The following MBD5 variants were observed in gnomAD, a reference collection of about 807,000 sequenced individuals.
The protein encoded by MBD5 is methyl-CpG-binding domain protein 5.
Under a neutral mutation model 117.3 loss-of-function variants are expected in MBD5, and 13 were observed. That is an observed-to-expected ratio of 0.11 (90% confidence interval 0.07 to 0.18). The LOEUF (loss-of-function observed/expected upper bound fraction) is 0.18, where lower values mean the gene tolerates loss of function less well. Ranked by LOEUF, MBD5 falls within the 10% of genes least tolerant of loss-of-function variation. The pLI, the probability that MBD5 is intolerant of heterozygous loss-of-function variation, is 1.00. For missense variants in MBD5, 1,879 were observed against 2,093.8 expected, an observed-to-expected ratio of 0.90 and a Z score of 2.00; for synonymous variants, 727 against 766.4, an observed-to-expected ratio of 0.95 and a Z score of 0.85.
At chr2:148,206,332 A>C (rs1279333166) in intron 2 of MBD5, among the ~76,000 whole-genome samples, 1 of 152,172 alleles carries the variant, frequency 6.6e-6, no homozygotes, top group African/African-American at 2.4e-5. Context: ...GGATTTTAAA[A>C]ACATGTTTTG....
At chr2:148,152,469 G>C (rs528859010) in intron 1 of MBD5, among the ~76,000 whole-genome samples, 61 of 152,118 alleles carry the variant, frequency 4.0e-4, no homozygotes, top group African/African-American at 1.4e-3. Flanking sequence ...TTGCTGCAGA[G>C]CTGAGTTCAA....
chr2:148,122,506 GT>G (rs1696793825), intron 1 of MBD5, among the ~76,000 whole-genome samples: 1 of 152,140 alleles, frequency 6.6e-6, no homozygotes. Context: ...TACATGATAT[GT>G]TTTAGAATGC....
At chr2:148,061,539 A>C (rs909944168) in intron 1 of MBD5, among the ~76,000 whole-genome samples, 63 of 152,156 alleles carry the variant, frequency 4.1e-4, no homozygotes, top group Admixed American at 2.0e-4. Flanking sequence ...TGTCAAATGT[A>C]ATATTCCTTT....
intron 4 of MBD5, among the ~76,000 whole-genome samples, chr2:148,358,062 A>G (rs16828586): frequency 0.028 from 4,210 of 152,106 alleles, 180 homozygotes; most frequent in African/African-American, 0.095. Flanking sequence ...TTGAAATCTC[A>G]CATCTGTTAA....
chr2:148,210,183 T>G (rs1699384284), intron 2 of MBD5, among the ~76,000 whole-genome samples: 2 of 152,176 alleles, frequency 1.3e-5, no homozygotes, highest in South Asian at 2.1e-4. Flanking sequence ...AAACTACTTA[T>G]TTAGAGCTAC....
At chr2:148,142,994 A>G (rs1191483760) in intron 1 of MBD5, among the ~76,000 whole-genome samples, 2 of 152,228 alleles carry the variant, frequency 1.3e-5, no homozygotes, top group Non-Finnish European at 2.9e-5. Flanking sequence ...TTAACCCAAA[A>G]TTATGACATT....
Position 148,450,271 on chromosome 2 carries a change from A to G in MBD5, c.-556-7932A>G, listed in dbSNP as rs141652674. ...AACTTGTGCAAGGTCACAAGCTAAT[A>G]AAGGGTGGAGCCAGGGTTCAAACCC... On this transcript the variant is annotated intron_variant, in intron 4 of 13. Transcript: ENST00000642680. Among the ~76,000 whole-genome samples, 9 of 152,306 alleles carry G rather than the reference A, an allele frequency of 5.9e-5. No homozygotes were observed. In the East Asian group the frequency reaches 1.7e-3, roughly 29 times the overall value.
intron 2 of MBD5, among the ~76,000 whole-genome samples, chr2:148,204,192 G>T (rs1699217228): frequency 6.6e-6 from 1 of 152,094 alleles, no homozygotes; most frequent in Non-Finnish European, 1.5e-5. Flanking sequence ...TGAATTATGA[G>T]CTGGCCAAAC....
intron 1 of MBD5, among the ~76,000 whole-genome samples, chr2:148,110,331 CTG>C (rs1696477614): frequency 6.6e-6 from 1 of 152,092 alleles, no homozygotes; most frequent in Non-Finnish European, 1.5e-5. Context: ...ATTTCTAAAA[CTG>C]TTTTGTGATT....
chr2:148,198,764 C>T (rs1219430958), intron 2 of MBD5, among the ~76,000 whole-genome samples: 2 of 151,898 alleles, frequency 1.3e-5, no homozygotes, highest in Non-Finnish European at 2.9e-5. Flanking sequence ...AAATATTCTT[C>T]TATAAATTAT....
intron 1 of MBD5, among the ~76,000 whole-genome samples, chr2:148,176,304 G>GTTTTTT (rs34981118): frequency 1.0e-5 from 1 of 98,916 alleles, no homozygotes; most frequent in Non-Finnish European, 2.0e-5. Flanking sequence ...TTAGAGTTTT[G>GTTTTTT]TTTTTTTTTT....
Position 148,458,754 on chromosome 2 carries a change from A to G in MBD5, c.-5A>G. 1 of 1,611,172 alleles carries G rather than the reference A, an allele frequency of 6.2e-7. No individual in the cohort carries two copies. Among genetic ancestry groups the G allele is most frequent in the Non-Finnish European group, 8.5e-7 (1 of 1,177,456 alleles). ...TCTTTGGAGAGTCCCTAGCAGACAC[A>G]GAAAATGAATGGAGGCAAAGAGTGT... is the stretch of plus-strand genomic sequence containing the variant. On this transcript the variant is annotated 5_prime_UTR_variant, in exon 5 of 14. Coordinates refer to ENST00000642680, the MANE Select transcript of MBD5 (RefSeq NM_001378120.1).
At chr2:148,446,923 C>A (rs144829736) in intron 4 of MBD5, among the ~76,000 whole-genome samples, 10 of 151,842 alleles carry the variant, frequency 6.6e-5, no homozygotes, top group Admixed American at 6.6e-4. Context: ...TCTTTTTAAT[C>A]CAGAAAAATT....
chr2:148,272,195 G>A (rs1429574706), intron 3 of MBD5, among the ~76,000 whole-genome samples: 1 of 152,108 alleles, frequency 6.6e-6, no homozygotes, highest in East Asian at 1.9e-4. Flanking sequence ...TCTGCTGATG[G>A]ACACTGAGGT....
chr2:148,470,933 G>A (rs1167938610), intron 8 of MBD5: 1 of 156,636 alleles, frequency 6.4e-6, no homozygotes, highest in Non-Finnish European at 1.4e-5. Flanking sequence ...GTAGGTGAAT[G>A]GATAGGAAAA....
chr2:148,213,518 A>G (rs1239884015), intron 2 of MBD5, among the ~76,000 whole-genome samples: 2 of 152,206 alleles, frequency 1.3e-5, no homozygotes, highest in African/African-American at 4.8e-5. Context: ...CTTTGAGGCC[A>G]AACTAGTATT....
chr2:148,446,845 A>G (rs1706550188), intron 4 of MBD5, among the ~76,000 whole-genome samples: 1 of 152,050 alleles, frequency 6.6e-6, no homozygotes. Context: ...AGGAGAAAGT[A>G]AACAGGTTAT....
At chr2:148,127,292 G>C (rs1696925334) in intron 1 of MBD5, among the ~76,000 whole-genome samples, 1 of 152,074 alleles carries the variant, frequency 6.6e-6, no homozygotes, top group Non-Finnish European at 1.5e-5. Context: ...TGGTTACATA[G>C]GTAAACGTGT....
At chr2:148,294,489 G>C (rs560848022) in intron 3 of MBD5, among the ~76,000 whole-genome samples, 26 of 108,424 alleles carry the variant, frequency 2.4e-4, no homozygotes, top group African/African-American at 9.8e-4. Flanking sequence ...CTCCCAAAGT[G>C]CTGGGATTAC....
Sources: gnomAD v4.1 joint callset for allele counts (sites outside exome capture counted in the v4.1 genomes callset) on GRCh38, gnomAD v4.1.1 for gene constraint, MANE v1.5 for transcripts, NCBI Gene and HGNC (gene_info 2026-07-23, HGNC 2026-07-21) for gene names.